Variants in NNT observed in about 807,000 individuals in gnomAD.
NNT encodes the protein nicotinamide nucleotide transhydrogenase.
NNT carries 50 observed loss-of-function variants against 104.8 expected under a neutral mutation model. That is an observed-to-expected ratio of 0.48 (90% CI 0.38 to 0.60). NNT has a LOEUF of 0.60. NNT is among the 20% of genes least tolerant of loss of function. NNT has a pLI of 0.00. For synonymous variants in NNT, 461 were observed against 490.4 expected, an observed-to-expected ratio of 0.94 and a Z score of 0.79; for missense variants, 1,131 against 1,330.7, an observed-to-expected ratio of 0.85 and a Z score of 2.33.
chr5:43,645,440 G>A lies in NNT; in HGVS notation c.1374G>A (p.Leu458=), dbSNP rs1739335013. The A allele has an allele frequency of 1.3e-6, 2 of 1,574,026 alleles. No individual in the cohort carries two copies. Among genetic ancestry groups the A allele is most frequent in the South Asian group, 1.2e-5 (1 of 85,352 alleles). The change falls in exon 10 of 22, where the codon CTG becomes CTA. Residue 458 remains leucine, a synonymous_variant. Coordinates refer to ENST00000344920, the MANE Select transcript of NNT (RefSeq NM_182977.3). ...APVKQKTVAE[L]EAEKAATITP... ...TAAAACAGAAGACAGTGGCTGAGCTGGAAGCTGAAAAAGCAGCTACCATTA... is the reference window on the plus strand; with the variant it reads ...TAAAACAGAAGACAGTGGCTGAGCTAGAAGCTGAAAAAGCAGCTACCATTA...
chr5:43,639,392 G>C (rs1751102948), intron 7 of NNT, among the ~76,000 whole-genome samples: 1 of 152,050 alleles, frequency 6.6e-6, no homozygotes, highest in Admixed American at 6.6e-5. Context: ...GTCAATTCAT[G>C]GTGCACATGG....
At chr5:43,633,125 GT>G (rs1380569670) in intron 7 of NNT, among the ~76,000 whole-genome samples, 1 of 152,146 alleles carries the variant, frequency 6.6e-6, no homozygotes, top group African/African-American at 2.4e-5. Flanking sequence ...TAAGGCCTGG[GT>G]TTTTGTTTAG....
chr5:43,637,203 G>A (rs963644581), intron 7 of NNT, among the ~76,000 whole-genome samples: 19 of 152,018 alleles, frequency 1.2e-4, no homozygotes, highest in African/African-American at 4.1e-4. Flanking sequence ...AGAGTAGAGG[G>A]GTTGCTGTAT....
chr5:43,700,370 T>G lies in NNT; in HGVS notation c.2995+133T>G, dbSNP rs962705067. The stretch of plus-strand genomic sequence containing the variant: ...AAAAGAACTTGTACATGGTAGATAA[T>G]AAGTTGAAATTAAATAAGTGAAATA... On this transcript the variant is annotated intron_variant, in intron 20 of 21. Coordinates refer to ENST00000344920, the MANE Select transcript of NNT (RefSeq NM_182977.3). The G allele has an allele frequency of 3.2e-5, 18 of 571,320 alleles. 1 individual carries two copies. In the Middle Eastern group the frequency reaches 4.4e-3, roughly 141 times the overall value. 35.4% of individuals were successfully genotyped at this position (571,320 alleles called of 1,614,324 possible). A position where few individuals can be genotyped will look rare whatever the true frequency, so the allele number is the denominator to read the frequency against.
intron 1 of NNT, among the ~76,000 whole-genome samples, chr5:43,608,017 A>G (rs1749316607): frequency 6.6e-6 from 1 of 150,896 alleles, no homozygotes; most frequent in Non-Finnish European, 1.5e-5. Flanking sequence ...TGCATCCTCC[A>G]CCTCCCAGGT....
chr5:43,665,079 G>T (rs1179960364), intron 17 of NNT, among the ~76,000 whole-genome samples: 1 of 151,992 alleles, frequency 6.6e-6, no homozygotes, highest in African/African-American at 2.4e-5. Flanking sequence ...GAATAAAATG[G>T]TTTATTTATC....
chr5:43,652,838 T>A (rs369880694), intron 13 of NNT, among the ~76,000 whole-genome samples, 180 bp from the exon 14 acceptor site: 4 of 152,232 alleles, frequency 2.6e-5, no homozygotes, highest in Non-Finnish European at 4.4e-5. Context: ...GGTACTTTTA[T>A]GTGTATTTGT....
At chr5:43,688,556 T>C (rs1329655012) in intron 19 of NNT, among the ~76,000 whole-genome samples, 1 of 152,098 alleles carries the variant, frequency 6.6e-6, no homozygotes, top group Non-Finnish European at 1.5e-5. Context: ...TTTTATCCCT[T>C]GCCACCCCCA....
In NNT at chr5:43,644,200, GCTCC is replaced by G; in HGVS notation, c.974_977del (p.Ala325GlufsTer8). ...TTCTTTGATTTTATTAGGTAAAAAAGCTCCAGTTTTATTTAATAAAGAAATGATT... is the reference window on the plus strand; with the variant it reads ...TTCTTTGATTTTATTAGGTAAAAAAGAGTTTTATTTAATAAAGAAATGATT... On this transcript the variant is annotated frameshift_variant, in exon 8 of 22. Transcript: ENST00000344920. LOFTEE classifies it high-confidence loss of function. The G allele has an allele frequency of 6.2e-7, 1 of 1,600,966 alleles. No individual in the cohort carries two copies. Among genetic ancestry groups the G allele is most frequent in the Admixed American group, 1.8e-5 (1 of 55,548 alleles).
intron 17 of NNT, among the ~76,000 whole-genome samples, chr5:43,672,501 A>T (rs528455060): frequency 1.3e-5 from 2 of 152,300 alleles, no homozygotes; most frequent in East Asian, 3.9e-4. Context: ...TTTCCTTCTA[A>T]CAGTCAGGAC....
chr5:43,613,189 C>G, intron 3 of NNT, 52 bp downstream of exon 3: 1 of 1,379,310 alleles, frequency 7.3e-7, no homozygotes, highest in Non-Finnish European at 1.0e-6. Flanking sequence ...TTTTTGAAAT[C>G]TTTTCATAGA....
At chr5:43,605,578 G>A (rs1477040679) in intron 1 of NNT, among the ~76,000 whole-genome samples, 1 of 144,496 alleles carries the variant, frequency 6.9e-6, no homozygotes, top group East Asian at 2.0e-4. Context: ...CTAATTTTGA[G>A]TTATAAAGTT....
chr5:43,657,536 A>C (rs1440079872), intron 16 of NNT, among the ~76,000 whole-genome samples: 1 of 152,242 alleles, frequency 6.6e-6, no homozygotes, highest in African/African-American at 2.4e-5. Flanking sequence ...TACAGTAACT[A>C]ACACAAAGTT....
At position 43,704,550 on chromosome 5, in the gene NNT, A is replaced by T; in HGVS notation, c.*146A>T. 1.4e-6 allele frequency: 1 copy of T among 700,874 alleles called. No individual in the cohort carries two copies. The highest frequency in any genetic ancestry group is 2.2e-6 in the Non-Finnish European group (1 of 458,864). 43.4% of individuals were successfully genotyped at this position (700,874 alleles called of 1,614,324 possible). A position where few individuals can be genotyped will look rare whatever the true frequency, so the allele number is the denominator to read the frequency against. On this transcript the variant is annotated 3_prime_UTR_variant, in exon 22 of 22. Coordinates refer to ENST00000344920, the MANE Select transcript of NNT (RefSeq NM_182977.3). ...CTGAAGAAAGCAAAGCAAAAACTGT[A>T]TAGAGAGATTTTTCAAAAGCAGTAA...
At chr5:43,682,498 A>G (rs928685887) in intron 19 of NNT, among the ~76,000 whole-genome samples, 8 of 152,180 alleles carry the variant, frequency 5.3e-5, no homozygotes, top group African/African-American at 1.7e-4. Context: ...GGCGTGAGCC[A>G]CCACACTCAG....
At chr5:43,633,958 G>A (rs1750810327) in intron 7 of NNT, among the ~76,000 whole-genome samples, 1 of 152,120 alleles carries the variant, frequency 6.6e-6, no homozygotes, top group Non-Finnish European at 1.5e-5. Context: ...GTAGTGGAAG[G>A]GCTGTTTGGG....
Position 43,655,916 on chromosome 5 carries a change from G to A in NNT, c.2136G>A (p.Leu712=). 6.2e-7 allele frequency: 1 copy of A among 1,614,014 alleles called. No individual in the cohort carries two copies. The highest frequency in any genetic ancestry group is 8.5e-7 in the Non-Finnish European group (1 of 1,180,028). Residue 712 remains leucine, a synonymous_variant, in exon 15 of 22, where the codon TTG becomes TTA. Transcript: ENST00000344920. The stretch of plus-strand genomic sequence containing the variant: ...CTGCTTTTCACAGTTTAGTGGGTTT[G>A]GCAGCTGTACTTACTTGCATAGCTG... The part of the protein sequence containing the change: ...LVAAFHSLVG[L]AAVLTCIAEY...
chr5:43,663,765 T>C (rs1472935290), intron 17 of NNT, among the ~76,000 whole-genome samples: 1 of 152,252 alleles, frequency 6.6e-6, no homozygotes, highest in East Asian at 1.9e-4. Flanking sequence ...AATATTATTC[T>C]CATTTTACTG....
chr5:43,650,404 A>C (rs1739693407), intron 11 of NNT, 73 bp from the exon 12 acceptor site: 1 of 1,048,954 alleles, frequency 9.5e-7, no homozygotes, highest in Non-Finnish European at 1.5e-6. Flanking sequence ...TATGTATGTG[A>C]GGTACTTCAG....
Sources: gnomAD v4.1 joint callset for allele counts (sites outside exome capture counted in the v4.1 genomes callset) on GRCh38, gnomAD v4.1.1 for gene constraint, MANE v1.5 for transcripts, NCBI Gene and HGNC (gene_info 2026-07-23, HGNC 2026-07-21) for gene names.